NR6A1: variants seen among roughly 807,000 people sequenced by gnomAD.
NR6A1 encodes the protein retinoic acid receptor-related testis-associated receptor.
NR6A1 carries 7 observed loss-of-function variants against 59.1 expected under a neutral mutation model. That is an observed-to-expected ratio of 0.12 (90% CI 0.07 to 0.22). The LOEUF is 0.22. NR6A1 is among the 10% of genes least tolerant of loss of function. NR6A1 has a pLI of 1.00. For synonymous variants in NR6A1, 243 were observed against 236.1 expected (o/e 1.03, Z -0.27); for missense variants, 468 against 611.6 (o/e 0.77, Z 2.48).
At chr9:124,659,718 TG>T (rs1837371740) in intron 2 of NR6A1, among the ~76,000 whole-genome samples, 1 of 152,232 alleles carries the variant, frequency 6.6e-6, no homozygotes, top group Admixed American at 6.5e-5. Context: ...ATGGAAGGAA[TG>T]TAAAAGCATG....
At chr9:124,527,147 T>C in intron 7 of NR6A1, among the ~76,000 whole-genome samples, 1 of 152,188 alleles carries the variant, frequency 6.6e-6, no homozygotes, top group African/African-American at 2.4e-5. Flanking sequence ...ACACAAGCTA[T>C]GAGATCTTGG....
At chr9:124,635,517 C>T (rs1836582924) in intron 2 of NR6A1, among the ~76,000 whole-genome samples, 1 of 152,210 alleles carries the variant, frequency 6.6e-6, no homozygotes, top group Non-Finnish European at 1.5e-5. Flanking sequence ...CTTCCTGTGG[C>T]CTCCCCACCT....
At chr9:124,670,150 CAGG>C (rs1190376506) in intron 2 of NR6A1, among the ~76,000 whole-genome samples, 1 of 149,608 alleles carries the variant, frequency 6.7e-6, no homozygotes, top group Non-Finnish European at 1.5e-5. Flanking sequence ...GAAACTGAGG[CAGG>C]AGGACTGCTT....
At chr9:124,598,890 G>A (rs1179686988) in intron 2 of NR6A1, 4 of 705,860 alleles carry the variant, frequency 5.7e-6, no homozygotes, top group East Asian at 2.8e-5. Context: ...TCAGCATTCA[G>A]GAAGCGGATG....
intron 2 of NR6A1, among the ~76,000 whole-genome samples, chr9:124,720,667 CAGGTAAAG>C (rs959736721): frequency 1.3e-5 from 2 of 152,078 alleles, no homozygotes; most frequent in African/African-American, 4.8e-5. Flanking sequence ...AAAGTAGCTT[CAGGTAAAG>C]AGGCAAAGAG....
chr9:124,658,837 TG>T (rs1457667445), intron 2 of NR6A1: 2 of 152,170 alleles, frequency 1.3e-5, no homozygotes, highest in Non-Finnish European at 2.9e-5. Flanking sequence ...ATTTGTGTAA[TG>T]GAATACTGTC....
At chr9:124,737,467 T>C (rs1564260741) in intron 1 of NR6A1, among the ~76,000 whole-genome samples, 1 of 152,328 alleles carries the variant, frequency 6.6e-6, no homozygotes, top group East Asian at 1.9e-4. Flanking sequence ...AAATGATTCT[T>C]AGCTAGAAGA....
intron 2 of NR6A1, among the ~76,000 whole-genome samples, chr9:124,576,477 C>T (rs1448923182): frequency 1.3e-5 from 2 of 151,978 alleles, no homozygotes; most frequent in East Asian, 1.9e-4. Context: ...TTAGTAGAGA[C>T]GGGGTTTCAC....
chr9:124,572,521 C>T (rs1179524827), intron 2 of NR6A1, among the ~76,000 whole-genome samples: 1 of 152,126 alleles, frequency 6.6e-6, no homozygotes, highest in Non-Finnish European at 1.5e-5. Context: ...AAATGATTAC[C>T]CAAGGTCATA....
At chr9:124,723,673 A>G (rs1839629544) in intron 2 of NR6A1, among the ~76,000 whole-genome samples, 1 of 152,262 alleles carries the variant, frequency 6.6e-6, no homozygotes, top group South Asian at 2.1e-4. Context: ...TACATAGCCT[A>G]GAACAGTATA....
chr9:124,587,497 AAAG>A (rs1161977048), intron 2 of NR6A1, among the ~76,000 whole-genome samples: 2 of 152,194 alleles, frequency 1.3e-5, no homozygotes, highest in African/African-American at 4.8e-5. Flanking sequence ...GGCCCTCGTG[AAAG>A]AAGGACCAAT....
intron 2 of NR6A1, among the ~76,000 whole-genome samples, chr9:124,565,428 AAAAC>A (rs896460175): frequency 8.0e-5 from 12 of 150,786 alleles, no homozygotes; most frequent in South Asian, 2.1e-4. Context: ...CTCCGTCTCA[AAAAC>A]AAACAAACAA....
intron 2 of NR6A1, among the ~76,000 whole-genome samples, chr9:124,720,080 T>C (rs1839523209): frequency 6.6e-6 from 1 of 152,140 alleles, no homozygotes; most frequent in Non-Finnish European, 1.5e-5. Flanking sequence ...GCAGTTTTGC[T>C]CTTGTCACCC....
chr9:124,584,890 C>T (rs1032144259), intron 2 of NR6A1, among the ~76,000 whole-genome samples: 1 of 152,174 alleles, frequency 6.6e-6, no homozygotes, highest in African/African-American at 2.4e-5. Flanking sequence ...CAAAGATAAG[C>T]CGAAAGCTAG....
chr9:124,747,187 C>CTTTT (rs35429356), intron 1 of NR6A1, among the ~76,000 whole-genome samples: 9 of 122,512 alleles, frequency 7.3e-5, no homozygotes, highest in Non-Finnish European at 1.0e-4. Flanking sequence ...CCTTGTCTGA[C>CTTTT]TTTTTTTTTT....
At chr9:124,629,993 A>G (rs193301139) in intron 2 of NR6A1, among the ~76,000 whole-genome samples, 14 of 152,348 alleles carry the variant, frequency 9.2e-5, no homozygotes, top group Admixed American at 8.5e-4. Context: ...TTGAGATACT[A>G]AAGTAGTAAT....
intron 2 of NR6A1, among the ~76,000 whole-genome samples, chr9:124,568,580 T>C (rs981730068): frequency 4.6e-5 from 7 of 151,904 alleles, no homozygotes; most frequent in Non-Finnish European, 1.0e-4. Context: ...AAAACTTGCA[T>C]GAAAAGTAAG....
chr9:124,543,897 C>T (rs1237599444), intron 3 of NR6A1, 40 bp from the exon 4 acceptor site: 2 of 1,564,900 alleles, frequency 1.3e-6, no homozygotes, highest in Admixed American at 1.7e-5. Flanking sequence ...GTCAGAAGCA[C>T]ACTCATATAA....
chr9:124,526,913 C>T lies in NR6A1; in HGVS notation c.1080-13G>A, dbSNP rs770321248. ...TTCATCACTAAATCTGAGGAACAGA[C>T]ACAGGTGTTAACAGTTGGCTGTGAC... On this transcript the variant is annotated splice_polypyrimidine_tract_variant and intron_variant, in intron 7 of 9. Transcript: ENST00000487099. 5 of 1,613,514 alleles carry T rather than the reference C, an allele frequency of 3.1e-6. No individual in the cohort carries two copies. The highest frequency in any genetic ancestry group is 3.4e-6 in the Non-Finnish European group (4 of 1,179,584).
Sources: allele counts gnomAD v4.1 joint callset (sites outside exome capture counted in the v4.1 genomes callset), GRCh38; gene constraint gnomAD v4.1.1; transcripts MANE v1.5; gene names NCBI Gene and HGNC (gene_info 2026-07-23, HGNC 2026-07-21).